Variants in PRKN observed in about 807,000 individuals in gnomAD.
PRKN encodes E3 ubiquitin-protein ligase parkin.
PRKN carries 56 observed loss-of-function variants against 59.5 expected under a neutral mutation model. The ratio of observed to expected loss-of-function variants is 0.94; its 90% CI spans 0.76 to 1.18. The LOEUF (loss-of-function observed/expected upper bound fraction) is 1.18, where lower values mean the gene tolerates loss of function less well. Ranked by LOEUF, PRKN falls within the 50% of genes most tolerant of loss-of-function variation. PRKN has a pLI of 0.00. For missense variants in PRKN, 657 were observed against 596.4 expected, an observed-to-expected ratio of 1.10 and a Z score of -1.06; for synonymous variants, 250 against 222.1, an observed-to-expected ratio of 1.13 and a Z score of -1.12.
chr6:161,849,618 G>T (rs956435980), intron 6 of PRKN, among the ~76,000 whole-genome samples: 1 of 151,952 alleles, frequency 6.6e-6, no homozygotes. Flanking sequence ...CCTTCCTTTT[G>T]AGATTTTTCT....
At position 162,516,763 on chromosome 6, in the gene PRKN, GAA is replaced by G. The variant is rs10707457; in HGVS notation, c.8-73292_8-73291del. Among the ~76,000 whole-genome samples, 492 of 136,724 alleles carry G rather than the reference GAA, an allele frequency of 3.6e-3. 1 individual carries two copies. The highest frequency in any genetic ancestry group is 4.7e-3 in the Non-Finnish European group (299 of 64,016). The allele number at this position is 136,724 out of a possible 152,430, so 89.7% of individuals were successfully genotyped here. A position where few individuals can be genotyped will look rare whatever the true frequency, so the allele number is the denominator to read the frequency against. ...GGGCAACAGAGCGAGACTCTACCAT[GAA>G]AAAAAAAAAAAAGAAAGAAAAGAAA... On this transcript the variant is annotated intron_variant, in intron 1 of 11. Transcript: ENST00000366898.
intron 1 of PRKN, among the ~76,000 whole-genome samples, chr6:162,450,853 C>T (rs758687594): frequency 1.7e-4 from 26 of 152,218 alleles, no homozygotes; most frequent in Admixed American, 3.9e-4. Context: ...TATCCAAATA[C>T]AGTTTGAATT....
chr6:162,302,409 G>A lies in PRKN; in HGVS notation c.172-39644C>T, dbSNP rs528371830. ...AATCAAGTTACCCCTTAAAAGAGACGTAGCTCATCCTGGTGAAGGAGACTT... is the reference window on the plus strand; with the variant it reads ...AATCAAGTTACCCCTTAAAAGAGACATAGCTCATCCTGGTGAAGGAGACTT... On this transcript the variant is annotated intron_variant, in intron 2 of 11. Transcript: ENST00000366898. 4.0e-4 allele frequency among the ~76,000 whole-genome samples: 61 copies of A among 152,236 alleles called. 1 individual carries two copies. The highest frequency in any genetic ancestry group is 1.2e-3 in the Admixed American group (18 of 15,286).
At chr6:162,054,200 C>T in intron 4 of PRKN, 26 bp from the exon 5 acceptor site, 2 of 1,339,694 alleles carry the variant, frequency 1.5e-6, no homozygotes, top group African/African-American at 1.4e-5. Context: ...ACAATATATG[C>T]TTATATGAGT....
At chr6:161,603,828 G>C (rs1329271604) in intron 7 of PRKN, among the ~76,000 whole-genome samples, 2 of 152,210 alleles carry the variant, frequency 1.3e-5, no homozygotes, top group Non-Finnish European at 2.9e-5. Flanking sequence ...AGTAAGATTA[G>C]AGTGAGCTGC....
At chr6:162,330,690 G>A (rs1351871728) in intron 2 of PRKN, among the ~76,000 whole-genome samples, 1 of 152,188 alleles carries the variant, frequency 6.6e-6, no homozygotes, top group Non-Finnish European at 1.5e-5. Context: ...TACTTCAACT[G>A]TGCCATTGTA....
At chr6:161,489,124 T>C (rs1010759143) in intron 9 of PRKN, among the ~76,000 whole-genome samples, 4 of 152,128 alleles carry the variant, frequency 2.6e-5, no homozygotes, top group African/African-American at 9.7e-5. Flanking sequence ...CATAATTCAC[T>C]CTCCTTCTTC....
intron 7 of PRKN, among the ~76,000 whole-genome samples, chr6:161,603,752 T>C (rs1445971539): frequency 1.3e-5 from 2 of 152,182 alleles, no homozygotes; most frequent in Non-Finnish European, 2.9e-5. Flanking sequence ...TGGGACAAAA[T>C]TATTTCCATA....
chr6:161,508,759 T>C (rs1778265955), intron 9 of PRKN, among the ~76,000 whole-genome samples: 1 of 152,100 alleles, frequency 6.6e-6, no homozygotes. Context: ...AGCCTACTTT[T>C]TTTCCCCCTC....
intron 2 of PRKN, among the ~76,000 whole-genome samples, chr6:162,320,893 CA>C (rs1782992490): frequency 6.6e-6 from 1 of 151,578 alleles, no homozygotes; most frequent in African/African-American, 2.4e-5. Flanking sequence ...GCAGCTAAAG[CA>C]ATATGCAAAG....
At chr6:161,716,180 C>T (rs1255722490) in intron 7 of PRKN, 1 of 935,802 alleles carries the variant, frequency 1.1e-6, no homozygotes, top group African/African-American at 1.8e-5. Context: ...ATGCTCACAG[C>T]AACCTTGTAT....
chr6:161,875,796 A>C (rs2128228346), intron 6 of PRKN, among the ~76,000 whole-genome samples: 1 of 152,232 alleles, frequency 6.6e-6, no homozygotes, highest in East Asian at 1.9e-4. Flanking sequence ...TAATTAGTAA[A>C]GTGAGACACA....
intron 2 of PRKN, among the ~76,000 whole-genome samples, chr6:162,279,998 CT>C (rs1554294794): frequency 8.0e-5 from 12 of 150,196 alleles, no homozygotes; most frequent in East Asian, 3.9e-4. Context: ...GCAAACTCTC[CT>C]TTTTTTTTGC....
In PRKN at chr6:162,374,535, A is replaced by G. The variant is rs765088876; in HGVS notation, c.171+68775T>C. Reference sequence around the variant, plus strand: ...TTATAATTTTATGTTTTATTTATTTATTTGTTTGTTTGTTTATTTATTTAT... The same window carrying G: ...TTATAATTTTATGTTTTATTTATTTGTTTGTTTGTTTGTTTATTTATTTAT... On this transcript the variant is annotated intron_variant, in intron 2 of 11. Coordinates refer to ENST00000366898, the MANE Select transcript of PRKN (RefSeq NM_004562.3). Among the ~76,000 whole-genome samples the G allele has an allele frequency of 5.0e-4, 75 of 151,342 alleles. 1 individual carries two copies. The highest frequency in any genetic ancestry group is 8.5e-4 in the South Asian group (4 of 4,730).
At chr6:161,636,463 A>G (rs1209989756) in intron 7 of PRKN, among the ~76,000 whole-genome samples, 1 of 152,194 alleles carries the variant, frequency 6.6e-6, no homozygotes, top group Non-Finnish European at 1.5e-5. Context: ...CTGCTGGTGA[A>G]CAGTCATGGC....
chr6:161,368,161 C>A (rs1243547724), intron 10 of PRKN, among the ~76,000 whole-genome samples: 1 of 151,432 alleles, frequency 6.6e-6, no homozygotes, highest in East Asian at 2.0e-4. Context: ...CGCAGTGGCT[C>A]ACACCTGTAA....
chr6:161,925,023 ATAT>A (rs1019571056), intron 6 of PRKN, among the ~76,000 whole-genome samples: 3 of 152,176 alleles, frequency 2.0e-5, no homozygotes, highest in East Asian at 1.9e-4. Flanking sequence ...TGGGAAAAAA[ATAT>A]TGTTGTTGTT....
At chr6:162,397,414 C>G (rs1235438941) in intron 2 of PRKN, among the ~76,000 whole-genome samples, 1 of 152,022 alleles carries the variant, frequency 6.6e-6, no homozygotes, top group African/African-American at 2.4e-5. Flanking sequence ...GCCAGTCTGG[C>G]TGGATTTCTG....
intron 6 of PRKN, among the ~76,000 whole-genome samples, chr6:161,806,366 T>C (rs183172041): frequency 3.2e-4 from 48 of 152,320 alleles, no homozygotes; most frequent in Admixed American, 9.1e-4. Flanking sequence ...CAGCGCATGA[T>C]GTTTGGACTC....
Sources: allele counts gnomAD v4.1 joint callset (sites outside exome capture counted in the v4.1 genomes callset), GRCh38; gene constraint gnomAD v4.1.1; transcripts MANE v1.5; gene names NCBI Gene and HGNC (gene_info 2026-07-23, HGNC 2026-07-21).